Variants in USP46 observed in about 807,000 individuals in gnomAD.
USP46 encodes ubiquitin specific peptidase 46, also known as ubiquitin carboxyl-terminal hydrolase 46.
A neutral mutation model predicts 44.4 loss-of-function variants in USP46; 12 were observed. The ratio of observed to expected loss-of-function variants is 0.27; its 90% CI spans 0.17 to 0.44. The LOEUF (loss-of-function observed/expected upper bound fraction) is 0.44, where lower values mean the gene tolerates loss of function less well. Ranked by LOEUF, USP46 falls within the 20% of genes least tolerant of loss-of-function variation. USP46 has a pLI of 1.00. For missense variants in USP46, 248 were observed against 444.8 expected (o/e 0.56, Z 3.98); for synonymous variants, 155 against 161.5 (o/e 0.96, Z 0.31).
chr4:52,601,700 G>A (rs1022400482), intron 7 of USP46, among the ~76,000 whole-genome samples, 157 bp downstream of exon 7: 1 of 152,150 alleles, frequency 6.6e-6, no homozygotes, highest in African/African-American at 2.4e-5. Flanking sequence ...GTGCCTGCAG[G>A]CATGTTTATA....
chr4:52,659,192 A>C lies in USP46; in HGVS notation c.-42T>G, dbSNP rs1719078391. Reference sequence around the variant, plus strand: ...GCGATCCCTCACCGCCATCTTTACAAGGGGAAACCGGGACTGCCCATGGTG... The same window carrying C: ...GCGATCCCTCACCGCCATCTTTACACGGGGAAACCGGGACTGCCCATGGTG... On this transcript the variant is annotated 5_prime_UTR_variant, in exon 1 of 9. Transcript: ENST00000441222. This position sits in a 1 kb window ranked among gnomAD's most constrained non-coding sequence, Gnocchi z 4.2. The C allele has an allele frequency of 6.6e-7, 1 of 1,514,756 alleles. No individual in the cohort carries two copies. Among genetic ancestry groups the C allele is most frequent in the African/African-American group, 1.4e-5 (1 of 69,636 alleles). 93.8% of individuals were successfully genotyped at this position (1,514,756 alleles called of 1,614,324 possible).
rs1158643041 is a variant in USP46, at chr4:52,592,003, C to G, written c.*5637G>C. 4 of 152,174 alleles carry G rather than the reference C, an allele frequency of 2.6e-5. No homozygotes were observed. The South Asian group carries it at 6.2e-4, about 24-fold the overall frequency. The allele number at this position is 152,174 out of a possible 1,614,324, so 9.4% of individuals were successfully genotyped here. On this transcript the variant is annotated 3_prime_UTR_variant, in exon 9 of 9. Transcript: ENST00000441222. ...TGTTGTCCCTGAGCTAGAAGGCAGG[C>G]TGGGAAGAGTGTGGGGCTCCCAGGA...
At chr4:52,632,984 G>GAAAGAAAGAAAT (rs1175060206) in intron 1 of USP46, among the ~76,000 whole-genome samples, 2 of 52,536 alleles carry the variant, frequency 3.8e-5, no homozygotes, top group African/African-American at 6.1e-5. Context: ...AAGAAAGAAA[G>GAAAGAAAGAAAT]AAAAGAAAAG....
At chr4:52,632,986 AAAGAAAAGAAAGAAAGAAAGAAAGAAAG>A (rs1717951563) in intron 1 of USP46, among the ~76,000 whole-genome samples, 1 of 26,114 alleles carries the variant, frequency 3.8e-5, no homozygotes, top group Non-Finnish European at 7.6e-5. Flanking sequence ...GAAAGAAAGA[AAAGAAAAGAAAGAAAGAAAGAAAGAAAG>A]AAAGAAAGAA....
chr4:52,658,438 A>G (rs58964773), intron 1 of USP46, among the ~76,000 whole-genome samples: 193 of 151,608 alleles, frequency 1.3e-3, no homozygotes, highest in African/African-American at 4.6e-3. Context: ...AACCCTGGAG[A>G]CCTCCTCCAA....
chr4:52,653,581 C>T (rs1011382900), intron 1 of USP46, among the ~76,000 whole-genome samples: 3 of 151,374 alleles, frequency 2.0e-5, no homozygotes, highest in African/African-American at 7.3e-5. Flanking sequence ...CCTTTCAAAC[C>T]CTTAGATCAG....
intron 1 of USP46, chr4:52,656,302 AC>A (rs1336957960): frequency 2.6e-6 from 4 of 1,551,388 alleles, no homozygotes; most frequent in Non-Finnish European, 3.5e-6. Flanking sequence ...CTACCTGAAA[AC>A]AATTCATTAT....
rs140684359 is a variant in USP46, at chr4:52,592,476, T to C, written c.*5164A>G. ...GGAGGTGGGGCCTGGTGGGAGGTGATTGCATCATAGGTGGTTAAGCACCAT... is the reference window on the plus strand; with the variant it reads ...GGAGGTGGGGCCTGGTGGGAGGTGACTGCATCATAGGTGGTTAAGCACCAT... On this transcript the variant is annotated 3_prime_UTR_variant, in exon 9 of 9. Transcript: ENST00000441222. The C allele has an allele frequency of 2.6e-3, 415 of 160,088 alleles. 1 individual carries two copies. The highest frequency in any genetic ancestry group is 8.8e-3 in the African/African-American group (368 of 42,024). The allele number at this position is 160,088 out of a possible 1,614,324, so 9.9% of individuals were successfully genotyped here. A position where few individuals can be genotyped will look rare whatever the true frequency, so the allele number is the denominator to read the frequency against.
intron 1 of USP46, among the ~76,000 whole-genome samples, chr4:52,650,187 G>T (rs1718702120): frequency 6.6e-6 from 1 of 152,212 alleles, no homozygotes; most frequent in South Asian, 2.1e-4. Context: ...AGAGAATATT[G>T]TAGAAACTAC....
intron 7 of USP46, 85 bp downstream of exon 7, chr4:52,601,772 C>T (rs1716482902): frequency 3.5e-6 from 5 of 1,416,582 alleles, no homozygotes; most frequent in Non-Finnish European, 4.7e-6. Context: ...GTGCCACGGC[C>T]CAGGAAAGGT....
chr4:52,644,180 C>A (rs1409993301), intron 1 of USP46, among the ~76,000 whole-genome samples: 1 of 152,162 alleles, frequency 6.6e-6, no homozygotes, highest in Non-Finnish European at 1.5e-5. Flanking sequence ...CATGTCATAG[C>A]TGAAGGAAAT....
intron 1 of USP46, among the ~76,000 whole-genome samples, chr4:52,652,727 T>A (rs1232510316): frequency 6.6e-6 from 1 of 151,996 alleles, no homozygotes; most frequent in East Asian, 1.9e-4. Context: ...AATATAAAAA[T>A]ATACAATAAA....
intron 1 of USP46, among the ~76,000 whole-genome samples, chr4:52,632,661 A>C (rs1428795632): frequency 6.6e-6 from 1 of 151,606 alleles, no homozygotes; most frequent in Non-Finnish European, 1.5e-5. Context: ...GTCTCTACAA[A>C]AAATATAAAA....
At chr4:52,610,442 A>G (rs2068018567) in intron 5 of USP46, 99 bp downstream of exon 5, 1 of 1,049,506 alleles carries the variant, frequency 9.5e-7, no homozygotes, top group Admixed American at 2.3e-5. Context: ...ATATTGGTTT[A>G]ACAGAAGGGA....
At chr4:52,618,827 T>C (rs1435216902) in intron 4 of USP46, among the ~76,000 whole-genome samples, 1 of 152,160 alleles carries the variant, frequency 6.6e-6, no homozygotes, top group Admixed American at 6.6e-5. Context: ...TGCGAAAGCC[T>C]CAGAAACTCT....
intron 3 of USP46, 105 bp downstream of exon 3, chr4:52,627,844 AT>A: frequency 7.9e-7 from 1 of 1,259,010 alleles, no homozygotes; most frequent in Non-Finnish European, 1.1e-6. Flanking sequence ...AACCATGCTT[AT>A]TTTCCCTTTT....
At chr4:52,614,802 C>T (rs1401242805) in intron 4 of USP46, among the ~76,000 whole-genome samples, 12 of 152,110 alleles carry the variant, frequency 7.9e-5, no homozygotes, top group Non-Finnish European at 1.0e-4. Flanking sequence ...TAACACTGTC[C>T]TGTGGGATTT....
At chr4:52,644,067 C>T in intron 1 of USP46, among the ~76,000 whole-genome samples, 1 of 152,182 alleles carries the variant, frequency 6.6e-6, no homozygotes, top group East Asian at 1.9e-4. Flanking sequence ...AATGCCTGAC[C>T]TGTTTAGTTA....
At chr4:52,649,969 G>A (rs1244667028) in intron 1 of USP46, among the ~76,000 whole-genome samples, 1 of 152,130 alleles carries the variant, frequency 6.6e-6, no homozygotes, top group South Asian at 2.1e-4. Context: ...TGTCAGAAAC[G>A]CTGGAGACTG....
Sources: gnomAD v4.1 joint callset for allele counts (sites outside exome capture counted in the v4.1 genomes callset) on GRCh38, gnomAD v4.1.1 for gene constraint, Gnocchi (gnomAD v3.1) non-coding constraint, MANE v1.5 for transcripts, NCBI Gene and HGNC (gene_info 2026-07-23, HGNC 2026-07-21) for gene names.